Variants in THOP1 observed in about 807,000 individuals in gnomAD.
THOP1 encodes the protein thimet oligopeptidase 1.
In THOP1, 49 loss-of-function variants were observed where a neutral mutation model predicts 71.8. That is an observed-to-expected ratio of 0.68 (90% CI 0.54 to 0.87). The LOEUF (loss-of-function observed/expected upper bound fraction) is 0.87. Among genes scored for constraint, THOP1 ranks in the 40% least tolerant of loss-of-function variants. The pLI, the probability that THOP1 is intolerant of heterozygous loss-of-function variation, is 0.00. For synonymous variants in THOP1, 426 were observed against 421.5 expected (o/e 1.01, Z -0.13); for missense variants, 843 against 975.6 (o/e 0.86, Z 1.81).
chr19:2,785,515 G>A lies in THOP1; in HGVS notation c.-148G>A. 1.2e-6 allele frequency: 1 copy of A among 844,604 alleles called. No homozygotes were observed. Among genetic ancestry groups the A allele is most frequent in the Non-Finnish European group, 1.6e-6 (1 of 619,134 alleles). The allele number at this position is 844,604 out of a possible 1,614,324, so 52.3% of individuals were successfully genotyped here. On this transcript the variant is annotated 5_prime_UTR_variant, in exon 1 of 13. Transcript: ENST00000307741. ...CGCGCGCCGCCCCAGCATGCCCCGG[G>A]AGCGCGGGCGGCGGGCCCCTTGGTC...
intron 12 of THOP1, chr19:2,812,304 A>G: frequency 6.5e-7 from 1 of 1,535,502 alleles, no homozygotes; most frequent in Non-Finnish European, 8.7e-7. Flanking sequence ...CACAAGGAAC[A>G]GGTGGCTACC....
intron 4 of THOP1, among the ~76,000 whole-genome samples, chr19:2,797,885 C>G (rs1916056499): frequency 6.6e-6 from 1 of 152,152 alleles, no homozygotes; most frequent in South Asian, 2.1e-4. Flanking sequence ...CTGAGGCAAC[C>G]AAGACTCAGA....
chr19:2,807,766 CG>C lies in THOP1; in HGVS notation c.1216del (p.Glu406ArgfsTer73). 6.5e-7 allele frequency: 1 copy of C among 1,541,546 alleles called. No homozygotes were observed. Among genetic ancestry groups the C allele is most frequent in the Non-Finnish European group, 8.8e-7 (1 of 1,140,474 alleles). On this transcript the variant is annotated frameshift_variant, in exon 8 of 13. Transcript: ENST00000307741. LOFTEE classifies it high-confidence loss of function. Reference sequence around the variant, plus strand: ...CTCTACACCGCGAGGGACGCGGCCTCGGGGGAGGTGGTCGGCAAGTTCTACC... The same window carrying C: ...CTCTACACCGCGAGGGACGCGGCCTCGGGGAGGTGGTCGGCAAGTTCTACC... ...VRLYTARDAA[S>X]GEVVGKFYLD...
intron 6 of THOP1, 35 bp from the exon 7 acceptor site, chr19:2,806,882 G>A (rs367840724): frequency 1.9e-5 from 31 of 1,611,734 alleles, no homozygotes; most frequent in Middle Eastern, 1.7e-4. Flanking sequence ...AGGGAGTGGC[G>A]CCCCTGGGTG....
rs548770917 is a variant in THOP1, at chr19:2,789,004, G to A, written c.17-1417G>A. Among the ~76,000 whole-genome samples, 54 of 151,902 alleles carry A rather than the reference G, an allele frequency of 3.6e-4. 1 individual carries two copies. The Middle Eastern group carries it at 0.02, about 57-fold the overall frequency. ...TCGAACTCCTGACCTCAAGTGATCC[G>A]CCTGCCTTGGCCTCCCAAAGTGCTG... On this transcript the variant is annotated intron_variant, in intron 1 of 12. Coordinates refer to ENST00000307741, the MANE Select transcript of THOP1 (RefSeq NM_003249.5).
chr19:2,785,957 C>G (rs567468457), intron 1 of THOP1, among the ~76,000 whole-genome samples: 2 of 152,352 alleles, frequency 1.3e-5, no homozygotes, highest in African/African-American at 4.8e-5. Context: ...TTAACGACTC[C>G]AGTCCCGTTT....
intron 12 of THOP1, chr19:2,812,315 A>G (rs1455771254): frequency 2.0e-6 from 3 of 1,535,272 alleles, no homozygotes; most frequent in Non-Finnish European, 2.6e-6. Context: ...GGTGGCTACC[A>G]GCTTTGAGGG....
At position 2,805,189 on chromosome 19, in the gene THOP1, G is replaced by A. The variant is rs113420660; in HGVS notation, c.750+13G>A. The A allele has an allele frequency of 3.4e-5, 54 of 1,605,992 alleles. No individual in the cohort carries two copies. Among genetic ancestry groups the A allele is most frequent in the African/African-American group, 2.8e-4 (21 of 75,012 alleles). ...CCGGTGCAAGGAGGTGAGAAGGCAC[G>A]GCCAGGGGGCCCCAGAACAGTGGGT... On this transcript the variant is annotated intron_variant, in intron 6 of 12. Coordinates refer to ENST00000307741, the MANE Select transcript of THOP1 (RefSeq NM_003249.5). The surrounding 1 kb of genome is among the most constrained non-coding windows in gnomAD (Gnocchi z 6.6).
chr19:2,806,873 G>C (rs752156858), intron 6 of THOP1, 44 bp from the exon 7 acceptor site: 1 of 1,611,518 alleles, frequency 6.2e-7, no homozygotes, highest in Non-Finnish European at 8.5e-7. Flanking sequence ...TGGAGGTGGA[G>C]GGAGTGGCGC....
In THOP1 at chr19:2,805,340, G is replaced by A. The variant is rs1916264896; in HGVS notation, c.750+164G>A. On this transcript the variant is annotated intron_variant, in intron 6 of 12. Coordinates refer to ENST00000307741, the MANE Select transcript of THOP1 (RefSeq NM_003249.5). The surrounding 1 kb of genome is among the most constrained non-coding windows in gnomAD (Gnocchi z 6.6). ...AGAGGCCTCCCTGTGGGGCTCTGCC[G>A]TGCCCTGGAGGTGTCTGTGCTGGGC... Among the ~76,000 whole-genome samples, 2 of 152,172 alleles carry A rather than the reference G, an allele frequency of 1.3e-5. No homozygotes were observed. Among genetic ancestry groups the A allele is most frequent in the Non-Finnish European group, 2.9e-5 (2 of 68,028 alleles).
intron 2 of THOP1, among the ~76,000 whole-genome samples, chr19:2,792,246 A>G (rs1446068124): frequency 1.3e-5 from 2 of 152,008 alleles, no homozygotes; most frequent in African/African-American, 4.8e-5. Flanking sequence ...TTTTTTTGAG[A>G]CAGGGTCTTG....
chr19:2,808,210 C>G, intron 8 of THOP1, 33 bp from the exon 9 acceptor site: 4 of 1,543,100 alleles, frequency 2.6e-6, no homozygotes, highest in Non-Finnish European at 3.5e-6. Context: ...TGTCTCTAGT[C>G]CCTGCGGGGC....
intron 11 of THOP1, 94 bp from the exon 12 acceptor site, chr19:2,811,504 G>A: frequency 6.7e-7 from 1 of 1,492,234 alleles, no homozygotes; most frequent in Non-Finnish European, 9.0e-7. Context: ...CCTGTTCCGG[G>A]CAGGGGTCTC....
Position 2,785,531 on chromosome 19 carries a change from C to G in THOP1, c.-132C>G, listed in dbSNP as rs1015963145. The G allele has an allele frequency of 9.5e-7, 1 of 1,050,638 alleles. No individual in the cohort carries two copies. The highest frequency in any genetic ancestry group is 1.3e-6 in the Non-Finnish European group (1 of 799,796). 65.1% of individuals were successfully genotyped at this position (1,050,638 alleles called of 1,614,324 possible). A position where few individuals can be genotyped will look rare whatever the true frequency, so the allele number is the denominator to read the frequency against. On this transcript the variant is annotated 5_prime_UTR_variant, in exon 1 of 13. Transcript: ENST00000307741. ...ATGCCCCGGGAGCGCGGGCGGCGGG[C>G]CCCTTGGTCCTCAGGCGGCCGTGGC... is the stretch of plus-strand genomic sequence containing the variant.
intron 2 of THOP1, among the ~76,000 whole-genome samples, chr19:2,793,525 A>G (rs1360047085): frequency 6.6e-6 from 1 of 151,888 alleles, no homozygotes; most frequent in Non-Finnish European, 1.5e-5. Context: ...CCCCATCTCT[A>G]CTAAAAATAC....
chr19:2,813,322 C>T lies in THOP1; in HGVS notation c.*46C>T, dbSNP rs1184526173. 2 of 1,544,158 alleles carry T rather than the reference C, an allele frequency of 1.3e-6. No homozygotes were observed. The highest frequency in any genetic ancestry group is 2.7e-5 in the African/African-American group (2 of 73,422). On this transcript the variant is annotated 3_prime_UTR_variant, in exon 13 of 13. Transcript: ENST00000307741. ...CAGTCTGGCCTGCGCTCCCGCCGCC[C>T]TGGTGCCTTAGCCCCCGGCACAGGA...
intron 1 of THOP1, among the ~76,000 whole-genome samples, chr19:2,789,001 TC>T (rs1915814101): frequency 1.3e-5 from 2 of 152,212 alleles, no homozygotes; most frequent in South Asian, 4.1e-4. Flanking sequence ...CCTCAAGTGA[TC>T]CGCCTGCCTT....
chr19:2,806,592 G>C (rs1916297557), intron 6 of THOP1: 1 of 370,492 alleles, frequency 2.7e-6, no homozygotes, highest in African/African-American at 2.1e-5. Flanking sequence ...CGTGAGACTG[G>C]GAACCAAGGC....
At chr19:2,798,321 G>C (rs759365581) in intron 4 of THOP1, among the ~76,000 whole-genome samples, 15 of 152,166 alleles carry the variant, frequency 9.9e-5, no homozygotes, top group Non-Finnish European at 1.5e-4. Flanking sequence ...GTGAGCCACT[G>C]TACCACAGTT....
Sources: gnomAD v4.1 joint callset for allele counts (sites outside exome capture counted in the v4.1 genomes callset) on GRCh38, gnomAD v4.1.1 for gene constraint, Gnocchi (gnomAD v3.1) non-coding constraint, MANE v1.5 for transcripts, NCBI Gene and HGNC (gene_info 2026-07-23, HGNC 2026-07-21) for gene names.